Variants in PLXNA1 observed in about 807,000 individuals in gnomAD.
The protein encoded by PLXNA1 is plexin A1.
A neutral mutation model predicts 191.7 loss-of-function variants in PLXNA1; 77 were observed. The ratio of observed to expected loss-of-function variants is 0.40; its 90% CI spans 0.33 to 0.49. The LOEUF (loss-of-function observed/expected upper bound fraction) is 0.49. Among genes scored for constraint, PLXNA1 ranks in the 20% least tolerant of loss-of-function variants. PLXNA1 has a pLI of 0.63. For missense variants in PLXNA1, 2,110 were observed against 2,660.2 expected (o/e 0.79, Z 4.55); for synonymous variants, 1,137 against 1,156.4 (o/e 0.98, Z 0.34).
rs1485240655 is a variant in PLXNA1, at chr3:127,022,320, ACCC to A, written c.4276_4278del (p.Pro1426del). 1 of 1,610,238 alleles carries A rather than the reference ACCC, an allele frequency of 6.2e-7. No individual in the cohort carries two copies. Among genetic ancestry groups the A allele is most frequent in the South Asian group, 1.1e-5 (1 of 91,008 alleles). ...GAGAAGAACCTGGAGAGCAAGAACC[ACCC>A]CAAGCTGCTACTGCGCCGGTGAGCC... On this transcript the variant is annotated inframe_deletion, in exon 22 of 32. Transcript: ENST00000393409.
At chr3:127,030,853 G>A (rs1266005058) in intron 29 of PLXNA1, among the ~76,000 whole-genome samples, 1 of 152,210 alleles carries the variant, frequency 6.6e-6, no homozygotes, top group Non-Finnish European at 1.5e-5. Flanking sequence ...CCAGGCCAGA[G>A]CCTGCTTACT....
At chr3:127,002,591 C>T (rs1372631118) in intron 3 of PLXNA1, among the ~76,000 whole-genome samples, 2 of 152,206 alleles carry the variant, frequency 1.3e-5, no homozygotes, top group Admixed American at 1.3e-4. Flanking sequence ...GGAAGCAGGC[C>T]ACAGCCCGCA....
At chr3:127,033,780 T>C in intron 31 of PLXNA1, 142 bp from the exon 32 acceptor site, 1 of 658,042 alleles carries the variant, frequency 1.5e-6, no homozygotes, top group Non-Finnish European at 2.7e-6. Context: ...TCCTGGAGGG[T>C]CCAGGCTCAC....
At position 127,003,414 on chromosome 3, in the gene PLXNA1, C is replaced by G. The variant is rs765849153; in HGVS notation, c.1462C>G (p.Arg488Gly). The G allele has an allele frequency of 1.2e-5, 19 of 1,611,542 alleles. No individual in the cohort carries two copies. Among genetic ancestry groups the G allele is most frequent in the Non-Finnish European group, 2.5e-6 (3 of 1,179,430 alleles). ...GGCCCAGGAGGGCAGCCCCATCCTG[C>G]GAGACCTCGTCCTCAGCCCCAACCA... The part of the protein sequence containing the change: ...VVAQEGSPIL[R>G]DLVLSPNHQY... The change falls in exon 4 of 32, where the codon CGA becomes GGA. Residue 488 changes from arginine (R) to glycine (G), a missense_variant. Arg to Gly is a moderately radical substitution (Grantham distance 125, BLOSUM62 -2). Transcript: ENST00000393409.
rs574075333 is a variant in PLXNA1, at chr3:126,995,663, T to C, written c.1377+4097T>C. Among the ~76,000 whole-genome samples, 6 of 152,344 alleles carry C rather than the reference T, an allele frequency of 3.9e-5. No individual in the cohort carries two copies. In the South Asian group the frequency reaches 1.2e-3, roughly 32 times the overall value. On this transcript the variant is annotated intron_variant, in intron 3 of 31. Transcript: ENST00000393409. ...TATTTTGTGTGAGATCTCTTGGTTA[T>C]TAAATCCACGTTGTAAGAGAGTATA...
chr3:127,032,373 ACT>A lies in PLXNA1; in HGVS notation c.5232-10_5232-9del, dbSNP rs2079215820. ...AGAGGCCTATCTGAGCAGCGCCTGG[ACT>A]CTCGCCTGCAGCCTGCCCCTGCGCT... is the stretch of plus-strand genomic sequence containing the variant. On this transcript the variant is annotated splice_polypyrimidine_tract_variant and intron_variant, in intron 29 of 31. Transcript: ENST00000393409. The A allele has an allele frequency of 6.2e-7, 1 of 1,612,600 alleles. No individual in the cohort carries two copies.
intron 1 of PLXNA1, among the ~76,000 whole-genome samples, chr3:126,984,094 G>C (rs572750496): frequency 4.6e-5 from 7 of 152,346 alleles, no homozygotes; most frequent in African/African-American, 1.4e-4. Context: ...CCTGATGTGC[G>C]GCGAAGCTGG....
chr3:127,008,738 AGGCTGGG>A (rs1050552541), intron 9 of PLXNA1, among the ~76,000 whole-genome samples: 10 of 152,186 alleles, frequency 6.6e-5, no homozygotes, highest in African/African-American at 1.9e-4. Context: ...CTTCCCTGCC[AGGCTGGG>A]GGCTGGGGGC....
chr3:127,012,006 G>A lies in PLXNA1; in HGVS notation c.2161G>A (p.Val721Met). 1 of 1,613,784 alleles carries A rather than the reference G, an allele frequency of 6.2e-7. No homozygotes were observed. ...PSTQIYVPVGVVKPITLAARN... is the reference protein window; with the variant it reads ...PSTQIYVPVGMVKPITLAARN... ...CACGCAGATCTACGTGCCAGTGGGA[G>A]TGGTAAAACCCATCACCCTGGCCGC... Residue 721 changes from valine to methionine, a missense_variant, in exon 10 of 32, where the codon GTG (valine) becomes ATG (methionine). This residue lies in a region of PLXNA1 where 903 missense variants were observed against 1,015.7 expected (regional missense o/e 0.89). Coordinates refer to ENST00000393409, the MANE Select transcript of PLXNA1 (RefSeq NM_032242.4).
In PLXNA1 at chr3:127,021,945, G is replaced by A. The variant is rs1016956572; in HGVS notation, c.4039-140G>A. ...TGACCCGCCGAGCTGAGGAGTCAGGGCAACTTGTCACTTGCCTTCCAGGCC... is the reference window on the plus strand; with the variant it reads ...TGACCCGCCGAGCTGAGGAGTCAGGACAACTTGTCACTTGCCTTCCAGGCC... On this transcript the variant is annotated intron_variant, in intron 21 of 31. Transcript: ENST00000393409. 2.2e-5 allele frequency: 28 copies of A among 1,283,138 alleles called. No individual in the cohort carries two copies. In the African/African-American group the frequency reaches 3.3e-4, roughly 15 times the overall value. 79.5% of individuals were successfully genotyped at this position (1,283,138 alleles called of 1,614,324 possible). A position where few individuals can be genotyped will look rare whatever the true frequency, so the allele number is the denominator to read the frequency against.
rs1192208461 is a variant in PLXNA1 at position 127,014,026 on chromosome 3, T to C, written c.2320T>C (p.Tyr774His). The C allele has an allele frequency of 1.4e-5, 22 of 1,613,690 alleles. No individual in the cohort carries two copies. The highest frequency in any genetic ancestry group is 1.9e-5 in the Non-Finnish European group (22 of 1,179,894). Residue 774 changes from tyrosine (Y) to histidine (H), a missense_variant, in exon 11 of 32, where the codon TAC becomes CAC. Tyr to His is a moderately conservative substitution (Grantham distance 83, BLOSUM62 2). Coordinates refer to ENST00000393409, the MANE Select transcript of PLXNA1 (RefSeq NM_032242.4). ...SLQCQNSSYS[Y>H]EGNDVSDLPV... ...CGGTGCCATCACCTAACAGTACTCC[T>C]ACGAGGGGAACGATGTCAGCGACCT...
rs779572524 is a variant in PLXNA1 at position 127,020,179 on chromosome 3, C to T, written c.3896-23C>T. 24 of 1,610,242 alleles carry T rather than the reference C, an allele frequency of 1.5e-5. No individual in the cohort carries two copies. The South Asian group carries it at 2.6e-4, about 18-fold the overall frequency. On this transcript the variant is annotated intron_variant, in intron 20 of 31. Transcript: ENST00000393409. ...AGCGGGGCCACCAGGGCATGCTGCC[C>T]CTGACGCCGCATCTGGCCACAGCCT...
chr3:127,037,125 A>G lies in PLXNA1; in HGVS notation c.*3108A>G, dbSNP rs954505400. The G allele has an allele frequency of 6.6e-6, 1 of 152,564 alleles. No individual in the cohort carries two copies. The highest frequency in any genetic ancestry group is 1.5e-5 in the Non-Finnish European group (1 of 68,040). 9.5% of individuals were successfully genotyped at this position (152,564 alleles called of 1,614,324 possible). ...GGTGCTACACAGCTAGAATAGATAT[A>G]TTTAGAGAGAGAGATATTTTTAAGA... On this transcript the variant is annotated 3_prime_UTR_variant, in exon 32 of 32. Coordinates refer to ENST00000393409, the MANE Select transcript of PLXNA1 (RefSeq NM_032242.4).
Position 127,032,477 on chromosome 3 carries a change from G to A in PLXNA1, c.5322G>A (p.Ser1774=), listed in dbSNP as rs771353991. 28 of 1,613,958 alleles carry A rather than the reference G, an allele frequency of 1.7e-5. No homozygotes were observed. The highest frequency in any genetic ancestry group is 3.3e-5 in the Admixed American group (2 of 59,998). The change falls in exon 30 of 32, where the codon TCG becomes TCA. Residue 1774 remains serine, a synonymous_variant. Transcript: ENST00000393409. The stretch of plus-strand genomic sequence containing the variant: ...ACAGCATCACGGACGCCTGCTTGTC[G>A]GTGGTGGCCCAGACCTTCATGGACT... The part of the protein sequence containing the change: ...HKNSITDACL[S]VVAQTFMDSC...
At chr3:127,029,679 C>G (rs1006942296) in intron 27 of PLXNA1, 143 bp downstream of exon 27, 4 of 1,083,650 alleles carry the variant, frequency 3.7e-6, no homozygotes, top group Non-Finnish European at 5.4e-6. Context: ...CTTGGCCTTA[C>G]CCTCCAGCTC....
chr3:127,018,826 C>G (rs1329241807), intron 20 of PLXNA1, among the ~76,000 whole-genome samples: 2 of 152,244 alleles, frequency 1.3e-5, no homozygotes, highest in African/African-American at 4.8e-5. Context: ...ACTTACCCTT[C>G]TGTGGCTCAG....
intron 3 of PLXNA1, among the ~76,000 whole-genome samples, chr3:127,000,491 C>T (rs551842717): frequency 2.0e-4 from 30 of 152,312 alleles, no homozygotes; most frequent in African/African-American, 5.8e-4. Flanking sequence ...GTTCACCTGC[C>T]GTCTGTGCCC....
chr3:126,984,783 G>A (rs1399247019), intron 1 of PLXNA1, among the ~76,000 whole-genome samples: 1 of 152,206 alleles, frequency 6.6e-6, no homozygotes, highest in African/African-American at 2.4e-5. Flanking sequence ...CCCCAAGGTC[G>A]TTGCCTGCCT....
chr3:127,013,817 G>A (rs914479028), intron 10 of PLXNA1, among the ~76,000 whole-genome samples: 1 of 152,182 alleles, frequency 6.6e-6, no homozygotes, highest in Non-Finnish European at 1.5e-5. Flanking sequence ...CCCTTGGAAG[G>A]GCACCTCATA....
Sources: gnomAD v4.1 joint callset for allele counts (sites outside exome capture counted in the v4.1 genomes callset) on GRCh38, gnomAD v4.1.1 for gene constraint, gnomAD v4.1.1 regional missense constraint, MANE v1.5 for transcripts, NCBI Gene and HGNC (gene_info 2026-07-23, HGNC 2026-07-21) for gene names.